The following LPA variants were observed in gnomAD, a reference collection of about 807,000 sequenced individuals.
LPA encodes apolipoprotein(a).
In LPA, 199 loss-of-function variants were observed where a neutral mutation model predicts 197.9. The observed-to-expected ratio is 1.01, with a 90% confidence interval of 0.90 to 1.13. The LOEUF (loss-of-function observed/expected upper bound fraction) is 1.13. Among genes scored for constraint, LPA ranks in the 50% most tolerant of loss-of-function variants. The pLI is 0.00. For synonymous variants in LPA, 715 were observed against 639.5 expected, an observed-to-expected ratio of 1.12 and a Z score of -1.78; for missense variants, 1,853 against 1,785.8, an observed-to-expected ratio of 1.04 and a Z score of -0.68.
At chr6:160,533,501 G>A (rs1488759209) in intron 37 of LPA, among the ~76,000 whole-genome samples, 1 of 152,146 alleles carries the variant, frequency 6.6e-6, no homozygotes. Flanking sequence ...CCCCATGCGT[G>A]TTGGCCCCAC....
At chr6:160,584,413 A>C (rs564006962) in intron 26 of LPA, among the ~76,000 whole-genome samples, 1 of 145,152 alleles carries the variant, frequency 6.9e-6, no homozygotes, top group South Asian at 2.2e-4. Flanking sequence ...CTCACAGCAA[A>C]CTCTGAATCC....
Position 160,664,175 on chromosome 6 carries a change from G to A in LPA, c.40C>T (p.Leu14=), listed in dbSNP as rs934266. 1 of 1,604,696 alleles carries A rather than the reference G, an allele frequency of 6.2e-7. No individual in the cohort carries two copies. Among genetic ancestry groups the A allele is most frequent in the Non-Finnish European group, 8.5e-7 (1 of 1,176,306 alleles). The part of the protein sequence containing the change: ...KEVVLLLLLF[L]KSAAPEQSHV... ...AAAAACTATGTCTTACCTGATTTCA[G>A]AAATAAAAGAAGTAGAAGAACCACT... Residue 14 remains leucine (L), a synonymous_variant, in exon 1 of 39, where the codon CTG becomes TTG. Coordinates refer to ENST00000316300, the MANE Select transcript of LPA (RefSeq NM_005577.4).
At chr6:160,648,323 C>T (rs1437452916) in intron 2 of LPA, among the ~76,000 whole-genome samples, 2 of 152,114 alleles carry the variant, frequency 1.3e-5, no homozygotes, top group Non-Finnish European at 1.5e-5. Context: ...CCAGTGGCAT[C>T]CTATAATTGT....
chr6:160,599,161 G>C (rs774986115), intron 20 of LPA, among the ~76,000 whole-genome samples: 1 of 152,162 alleles, frequency 6.6e-6, no homozygotes, highest in Non-Finnish European at 1.5e-5. Context: ...GGCTAGAACA[G>C]TGAAACCCTG....
At chr6:160,584,763 T>C (rs1778875625) in intron 26 of LPA, among the ~76,000 whole-genome samples, 1 of 152,170 alleles carries the variant, frequency 6.6e-6, no homozygotes, top group Admixed American at 6.5e-5. Context: ...GGAATGATAC[T>C]TTGTCTCAGC....
intron 26 of LPA, among the ~76,000 whole-genome samples, chr6:160,584,261 T>TCC (rs1562331322): frequency 2.9e-5 from 3 of 103,318 alleles, no homozygotes; most frequent in Admixed American, 9.4e-5. Context: ...CCTCCTCCTC[T>TCC]TCCTCTTCCT....
At position 160,531,647 on chromosome 6, in the gene LPA, G is replaced by T; in HGVS notation, c.*82C>A. On this transcript the variant is annotated 3_prime_UTR_variant, in exon 39 of 39. Coordinates refer to ENST00000316300, the MANE Select transcript of LPA (RefSeq NM_005577.4). ...GGAACAGTGTCTTCGTTTGATTGCT[G>T]TCTATTATTTCCAGCATGCTAAATC... 1.9e-6 allele frequency: 3 copies of T among 1,560,832 alleles called. No individual in the cohort carries two copies. The highest frequency in any genetic ancestry group is 2.2e-5 in the East Asian group (1 of 44,530).
chr6:160,555,882 C>G (rs1554231932), intron 30 of LPA, 143 bp downstream of exon 30: 5 of 893,572 alleles, frequency 5.6e-6, no homozygotes, highest in Non-Finnish European at 9.2e-6. Context: ...ACTCTTTGAT[C>G]AAAAGCAAAG....
In LPA at chr6:160,593,994, T is replaced by C. The variant is rs1562336079; in HGVS notation, c.3593A>G (p.His1198Arg). 7.4e-6 allele frequency: 12 copies of C among 1,613,820 alleles called. No homozygotes were observed. The highest frequency in any genetic ancestry group is 9.3e-6 in the Non-Finnish European group (11 of 1,179,870). Residue 1198 changes from histidine to arginine, a missense_variant, in exon 22 of 39, where the codon CAC becomes CGC. Physicochemically the swap from His to Arg is conservative, Grantham distance 29. This residue lies in a region of LPA where 1,737 missense variants were observed against 1,504.4 expected (regional missense o/e 1.15). Transcript: ENST00000316300. ...ATATTCTGTTGTCCTCTGATGCCAG[T>C]GTGGTGTCATAGAGGACCAAGACTG... ...TCQSWSSMTP[H>R]WHQRTTEYYP...
At chr6:160,656,399 A>G (rs1430960267) in intron 1 of LPA, among the ~76,000 whole-genome samples, 1 of 152,216 alleles carries the variant, frequency 6.6e-6, no homozygotes, top group African/African-American at 2.4e-5. Flanking sequence ...GTCTATACAA[A>G]TTATGCATTT....
chr6:160,575,325 C>T (rs1778636223), intron 28 of LPA, among the ~76,000 whole-genome samples: 1 of 151,946 alleles, frequency 6.6e-6, no homozygotes, highest in East Asian at 1.9e-4. Flanking sequence ...AATGTTTTTG[C>T]TAATTCTATC....
At chr6:160,578,440 G>T in intron 27 of LPA, 83 bp downstream of exon 27, 1 of 1,539,750 alleles carries the variant, frequency 6.5e-7, no homozygotes, top group Non-Finnish European at 9.0e-7. Context: ...ACCCTCCAGT[G>T]TACCACTGAA....
chr6:160,650,541 C>A, intron 1 of LPA, 44 bp from the exon 2 acceptor site: 1 of 1,598,586 alleles, frequency 6.3e-7, no homozygotes. Context: ...GTTCTTAGAA[C>A]AGAAAAAAAT....
intron 30 of LPA, among the ~76,000 whole-genome samples, chr6:160,553,921 C>G (rs1209885660): frequency 7.0e-4 from 73 of 103,710 alleles, no homozygotes; most frequent in African/African-American, 2.3e-3. Flanking sequence ...CTCTCTCTTT[C>G]TCTCTCTCTC....
intron 28 of LPA, among the ~76,000 whole-genome samples, chr6:160,567,691 T>C (rs1224704297): frequency 6.6e-6 from 1 of 152,032 alleles, no homozygotes; most frequent in Non-Finnish European, 1.5e-5. Flanking sequence ...CTTCAAAACA[T>C]CAATGAATCC....
At chr6:160,532,105 T>C (rs41266379) in intron 38 of LPA, among the ~76,000 whole-genome samples, 1,596 of 152,222 alleles carry the variant, frequency 0.01, 9 homozygotes, top group Non-Finnish European at 0.017. Flanking sequence ...GGAAAAAAAA[T>C]AATCCCTTGT....
intron 2 of LPA, among the ~76,000 whole-genome samples, chr6:160,648,731 A>G (rs1013806977): frequency 2.0e-5 from 3 of 152,106 alleles, no homozygotes; most frequent in African/African-American, 7.2e-5. Context: ...CATTTAAGAC[A>G]TATCTCTTAG....
At chr6:160,583,288 T>C (rs1207731539) in intron 26 of LPA, among the ~76,000 whole-genome samples, 1 of 152,214 alleles carries the variant, frequency 6.6e-6, no homozygotes, top group Non-Finnish European at 1.5e-5. Flanking sequence ...AATTGAGCAA[T>C]TTAATTTTGT....
intron 28 of LPA, 76 bp downstream of exon 28, chr6:160,577,060 G>T (rs1030311535): frequency 1.7e-5 from 27 of 1,563,114 alleles, no homozygotes; most frequent in Non-Finnish European, 2.4e-5. Context: ...CCTAGGAAGT[G>T]AGCTTAAAGC....
Sources: allele counts gnomAD v4.1 joint callset (sites outside exome capture counted in the v4.1 genomes callset), GRCh38; gene constraint gnomAD v4.1.1; regional missense constraint gnomAD v4.1.1; transcripts MANE v1.5; gene names NCBI Gene and HGNC (gene_info 2026-07-23, HGNC 2026-07-21).